The following CD109 variants were observed in gnomAD, a reference collection of about 807,000 sequenced individuals.
CD109 encodes CD109 molecule, also known as CD109 antigen.
Under a neutral mutation model 165.8 loss-of-function variants are expected in CD109, and 149 were observed. The observed-to-expected ratio is 0.90, with a 90% CI of 0.79 to 1.03. The LOEUF (loss-of-function observed/expected upper bound fraction) is 1.03, where lower values mean the gene tolerates loss of function less well. Among genes scored for constraint, CD109 ranks in the 50% least tolerant of loss-of-function variants. The pLI, the probability that CD109 is intolerant of heterozygous loss-of-function variation, is 0.00. For missense variants in CD109, 1,712 were observed against 1,677.8 expected (o/e 1.02, Z -0.36); for synonymous variants, 585 against 592.1 (o/e 0.99, Z 0.18).
At chr6:73,754,949 A>G (rs1205183385) in intron 5 of CD109, among the ~76,000 whole-genome samples, 2 of 152,230 alleles carry the variant, frequency 1.3e-5, no homozygotes, top group Non-Finnish European at 2.9e-5. Flanking sequence ...AGAGCCTCAC[A>G]TGGTGTTTTG....
At chr6:73,761,035 A>G (rs985202604) in intron 7 of CD109, among the ~76,000 whole-genome samples, 46 of 150,406 alleles carry the variant, frequency 3.1e-4, no homozygotes, top group African/African-American at 1.1e-3. Context: ...ACACACACAC[A>G]CACACACACA....
chr6:73,689,551 C>T, the CD109 span, among the ~76,000 whole-genome samples: 1 of 152,068 alleles, frequency 6.6e-6, no homozygotes, highest in Non-Finnish European at 1.5e-5. Context: ...TTCAGTTTTT[C>T]TTATATCCTT....
At chr6:73,767,149 C>A in intron 13 of CD109, 139 bp downstream of exon 13, 1 of 699,242 alleles carries the variant, frequency 1.4e-6, no homozygotes, top group Non-Finnish European at 2.4e-6. Context: ...ATTATTTCAT[C>A]ACCCAGGTAT....
intron 23 of CD109, among the ~76,000 whole-genome samples, chr6:73,795,732 T>G (rs1373337633): frequency 1.3e-5 from 2 of 152,214 alleles, no homozygotes; most frequent in Non-Finnish European, 2.9e-5. Context: ...GCACTGGCTG[T>G]GGAGGCAGTC....
chr6:73,733,436 G>A (rs1184631362), intron 4 of CD109, among the ~76,000 whole-genome samples: 2 of 152,176 alleles, frequency 1.3e-5, no homozygotes, highest in South Asian at 2.1e-4. Flanking sequence ...CATTTTGCAT[G>A]CCCCAATAAC....
At chr6:73,770,317 C>A (rs553302140) in intron 14 of CD109, among the ~76,000 whole-genome samples, 1 of 152,316 alleles carries the variant, frequency 6.6e-6, no homozygotes, top group South Asian at 2.1e-4. Flanking sequence ...AAAGGGAGCT[C>A]AGGGGCTTAT....
At chr6:73,775,923 G>A (rs143994683) in intron 15 of CD109, among the ~76,000 whole-genome samples, 12 of 152,272 alleles carry the variant, frequency 7.9e-5, no homozygotes, top group Middle Eastern at 3.4e-3. Flanking sequence ...TATCATTGAC[G>A]GACATTTAGT....
chr6:73,814,478 A>G (rs1775862193), intron 29 of CD109, among the ~76,000 whole-genome samples: 1 of 152,162 alleles, frequency 6.6e-6, no homozygotes, highest in Non-Finnish European at 1.5e-5. Flanking sequence ...GTTGACTTGA[A>G]AGCTATCATT....
chr6:73,770,244 A>G (rs1562057881), intron 14 of CD109, among the ~76,000 whole-genome samples: 1 of 152,214 alleles, frequency 6.6e-6, no homozygotes, highest in African/African-American at 2.4e-5. Context: ...GAAAAGATTT[A>G]CATCTCAGAG....
the CD109 span, among the ~76,000 whole-genome samples, chr6:73,690,504 A>C: frequency 1 from 152,256 of 152,262 alleles, 76,125 homozygotes; most frequent in Middle Eastern, 1. Flanking sequence ...CAGGTTCAAG[A>C]GATTCTCCTG....
chr6:73,810,434 G>T (rs951161479), intron 27 of CD109, among the ~76,000 whole-genome samples: 1 of 151,618 alleles, frequency 6.6e-6, no homozygotes, highest in Non-Finnish European at 1.5e-5. Flanking sequence ...TTTCATGTCT[G>T]ATATTTATAT....
chr6:73,781,148 TA>T, intron 16 of CD109, 110 bp from the exon 17 acceptor site: 1 of 771,072 alleles, frequency 1.3e-6, no homozygotes, highest in African/African-American at 1.7e-5. Context: ...TGTGTATACC[TA>T]AGCTCTCAAA....
intron 2 of CD109, among the ~76,000 whole-genome samples, chr6:73,705,566 A>G (rs756689388): frequency 3.9e-5 from 6 of 152,070 alleles, no homozygotes; most frequent in Non-Finnish European, 7.4e-5. Context: ...TTCTTGAGCT[A>G]CAGTTATAGT....
intron 1 of CD109, 88 bp from the exon 2 acceptor site, chr6:73,697,312 C>T (rs554004592): frequency 8.3e-7 from 1 of 1,202,052 alleles, no homozygotes; most frequent in South Asian, 1.4e-5. Context: ...GTATGGAGTG[C>T]CTATCGCACT....
In CD109 at chr6:73,820,513, T is replaced by C; in HGVS notation, c.4112T>C (p.Val1371Ala). ...ATTCCTGCTGTGAGAAACTTTAAAG[T>C]TTCAAATACCCAAGATGCTTCAGTG... ...VNIPAVRNFK[V>A]SNTQDASVSI... Residue 1371 changes from valine to alanine, a missense_variant, in exon 32 of 33, where the codon GTT (valine) becomes GCT (alanine). By Grantham distance (64) the Val-to-Ala change is moderately conservative. Coordinates refer to ENST00000287097, the MANE Select transcript of CD109 (RefSeq NM_133493.5). 1.2e-6 allele frequency: 2 copies of C among 1,612,712 alleles called. No individual in the cohort carries two copies. The highest frequency in any genetic ancestry group is 2.2e-5 in the East Asian group (1 of 44,830).
the CD109 span, among the ~76,000 whole-genome samples, chr6:73,682,703 A>T: frequency 6.6e-6 from 1 of 152,220 alleles, no homozygotes; most frequent in African/African-American, 2.4e-5. Flanking sequence ...GAGGTTCTCC[A>T]TGAGGACACT....
At chr6:73,729,887 G>T (rs772327644) in intron 3 of CD109, among the ~76,000 whole-genome samples, 1 of 152,112 alleles carries the variant, frequency 6.6e-6, no homozygotes, top group Non-Finnish European at 1.5e-5. Context: ...ACACATATGC[G>T]CAAGATGCAT....
At chr6:73,765,021 T>C (rs1380159286) in intron 10 of CD109, among the ~76,000 whole-genome samples, 1 of 152,026 alleles carries the variant, frequency 6.6e-6, no homozygotes, top group South Asian at 2.1e-4. Flanking sequence ...GGGGGAGAGT[T>C]GGCTGTGGGA....
Position 73,771,220 on chromosome 6 carries a change from C to G in CD109, c.1675-209C>G, listed in dbSNP as rs144281987. On this transcript the variant is annotated intron_variant, in intron 14 of 32. Transcript: ENST00000287097. Reference sequence around the variant, plus strand: ...AATTAAAGAATAATTCAGATTTATACCACTGTGAGAAGTTCTATGACTTGC... The same window carrying G: ...AATTAAAGAATAATTCAGATTTATAGCACTGTGAGAAGTTCTATGACTTGC... Among the ~76,000 whole-genome samples the G allele has an allele frequency of 1.1e-3, 169 of 152,278 alleles. 1 individual carries two copies. Among genetic ancestry groups the G allele is most frequent in the African/African-American group, 3.9e-3 (162 of 41,556 alleles).
Sources: gnomAD v4.1 joint callset for allele counts (sites outside exome capture counted in the v4.1 genomes callset) on GRCh38, gnomAD v4.1.1 for gene constraint, MANE v1.5 for transcripts, NCBI Gene and HGNC (gene_info 2026-07-23, HGNC 2026-07-21) for gene names.